Variants in PLCH1 observed in about 807,000 individuals in gnomAD.
PLCH1 encodes the protein 1-phosphatidylinositol 4,5-bisphosphate phosphodiesterase eta-1.
In PLCH1, 60 loss-of-function variants were observed where a neutral mutation model predicts 126.7. The ratio of observed to expected loss-of-function variants is 0.47; its 90% CI spans 0.38 to 0.59. The LOEUF is 0.59. Ranked by LOEUF, PLCH1 falls within the 20% of genes least tolerant of loss-of-function variation. PLCH1 has a pLI of 0.00. For synonymous variants in PLCH1, 719 were observed against 734.9 expected (o/e 0.98, Z 0.35); for missense variants, 1,723 against 2,040.0 (o/e 0.84, Z 2.99).
At chr3:155,706,383 A>T (rs1036121252) in intron 1 of PLCH1, among the ~76,000 whole-genome samples, 1 of 151,862 alleles carries the variant, frequency 6.6e-6, no homozygotes, top group African/African-American at 2.4e-5. Context: ...GCACTTTGGG[A>T]GGCCGAGGTG....
At chr3:155,522,858 T>C (rs962520794) in intron 11 of PLCH1, among the ~76,000 whole-genome samples, 3 of 151,698 alleles carry the variant, frequency 2.0e-5, no homozygotes, top group South Asian at 2.1e-4. Flanking sequence ...ACATGAGTTA[T>C]AGAGTTACAG....
At chr3:155,514,070 C>CA (rs768638904) in intron 12 of PLCH1, among the ~76,000 whole-genome samples, 72 of 152,064 alleles carry the variant, frequency 4.7e-4, no homozygotes, top group Non-Finnish European at 7.2e-4. Context: ...ATAGGTAGAG[C>CA]AAAAAAATAG....
In PLCH1 at chr3:155,564,985, G is replaced by A. The variant is rs1376112715; in HGVS notation, c.999C>T (p.Asp333=). 1 of 1,613,750 alleles carries A rather than the reference G, an allele frequency of 6.2e-7. No homozygotes were observed. The highest frequency in any genetic ancestry group is 1.7e-5 in the Admixed American group (1 of 60,008). The part of the protein sequence containing the change: ...ASSHNTYLTG[D]QLLSQSKVDM... ...CCACTTTGGACTGAGAAAGGAGCTGGTCTCCAGTCAGGTATGTATTGTGAG... is the reference window on the plus strand; with the variant it reads ...CCACTTTGGACTGAGAAAGGAGCTGATCTCCAGTCAGGTATGTATTGTGAG... The change falls in exon 8 of 23, where the codon GAC becomes GAT. Residue 333 remains aspartate (D), a synonymous_variant. Transcript: ENST00000460012.
intron 6 of PLCH1, among the ~76,000 whole-genome samples, chr3:155,576,409 TAGTG>T (rs549959597): frequency 3.9e-5 from 6 of 152,152 alleles, no homozygotes; most frequent in Non-Finnish European, 7.4e-5. Context: ...TTATAAAAGA[TAGTG>T]AGAATTCCCT....
At chr3:155,591,845 C>T (rs1732218568) in intron 4 of PLCH1, among the ~76,000 whole-genome samples, 1 of 152,086 alleles carries the variant, frequency 6.6e-6, no homozygotes, top group Admixed American at 6.5e-5. Flanking sequence ...GCCGGCACTA[C>T]AGGCATGTGT....
intron 2 of PLCH1, among the ~76,000 whole-genome samples, chr3:155,598,526 A>C (rs575033042): frequency 1.3e-5 from 2 of 152,220 alleles, no homozygotes; most frequent in African/African-American, 2.4e-5. Flanking sequence ...CTATTTCATA[A>C]GGTGAAGCAA....
intron 21 of PLCH1, among the ~76,000 whole-genome samples, chr3:155,451,612 CG>C: frequency 6.6e-6 from 1 of 152,116 alleles, no homozygotes; most frequent in Non-Finnish European, 1.5e-5. Flanking sequence ...GCAATGTGTG[CG>C]GGCCTCTTTC....
chr3:155,666,610 G>T (rs1358359189), intron 2 of PLCH1, among the ~76,000 whole-genome samples: 1 of 152,190 alleles, frequency 6.6e-6, no homozygotes, highest in East Asian at 1.9e-4. Context: ...AAGGATGGTG[G>T]GTGAATTAGC....
At chr3:155,592,753 T>A (rs1475808658) in intron 4 of PLCH1, among the ~76,000 whole-genome samples, 1 of 152,226 alleles carries the variant, frequency 6.6e-6, no homozygotes, top group East Asian at 1.9e-4. Context: ...TAAGGCACTG[T>A]TAGTACGGTT....
intron 10 of PLCH1, among the ~76,000 whole-genome samples, chr3:155,543,763 C>G (rs367658067): frequency 6.6e-6 from 1 of 150,652 alleles, no homozygotes; most frequent in African/African-American, 2.4e-5. Context: ...AATTTTCAAC[C>G]CAGAATTTCA....
At chr3:155,630,428 T>C (rs899238245) in intron 2 of PLCH1, among the ~76,000 whole-genome samples, 8 of 152,204 alleles carry the variant, frequency 5.3e-5, no homozygotes, top group Admixed American at 1.3e-4. Context: ...TCAATCAGAA[T>C]ATAGTGGAGT....
At chr3:155,688,398 T>C (rs1272023667) in intron 2 of PLCH1, among the ~76,000 whole-genome samples, 1 of 152,042 alleles carries the variant, frequency 6.6e-6, no homozygotes. Flanking sequence ...GCCAGTTGAG[T>C]TGGAATGACA....
chr3:155,578,151 A>G (rs1730217294), intron 6 of PLCH1, among the ~76,000 whole-genome samples: 1 of 152,104 alleles, frequency 6.6e-6, no homozygotes, highest in African/African-American at 2.4e-5. Flanking sequence ...TATATAACAG[A>G]CTCCACAGAG....
At chr3:155,504,978 G>A (rs923483433) in intron 12 of PLCH1, among the ~76,000 whole-genome samples, 7 of 152,182 alleles carry the variant, frequency 4.6e-5, no homozygotes, top group African/African-American at 1.2e-4. Context: ...TCTTTTAAAT[G>A]TTCTGAGTGG....
At chr3:155,526,811 C>A (rs1722013601) in intron 10 of PLCH1, among the ~76,000 whole-genome samples, 1 of 152,156 alleles carries the variant, frequency 6.6e-6, no homozygotes, top group African/African-American at 2.4e-5. Context: ...TTTAAGCTGT[C>A]AAATGTTGGG....
chr3:155,739,278 A>G (rs1749444507), intron 1 of PLCH1, among the ~76,000 whole-genome samples: 1 of 152,200 alleles, frequency 6.6e-6, no homozygotes, highest in Non-Finnish European at 1.5e-5. Flanking sequence ...CTCAAGAAAA[A>G]TAATCGGGCA....
chr3:155,624,884 A>G (rs1737030245), intron 2 of PLCH1, among the ~76,000 whole-genome samples: 1 of 152,174 alleles, frequency 6.6e-6, no homozygotes, highest in African/African-American at 2.4e-5. Context: ...CAGAATTGGA[A>G]AAAAACTACC....
At chr3:155,529,762 T>A (rs1217269154) in intron 10 of PLCH1, among the ~76,000 whole-genome samples, 4 of 150,828 alleles carry the variant, frequency 2.7e-5, no homozygotes, top group Admixed American at 2.0e-4. Flanking sequence ...TGCTTCTTTT[T>A]TGTTTTGTTT....
At chr3:155,620,125 T>A (rs1004736941) in intron 2 of PLCH1, among the ~76,000 whole-genome samples, 1 of 151,926 alleles carries the variant, frequency 6.6e-6, no homozygotes, top group Non-Finnish European at 1.5e-5. Flanking sequence ...AGTAGAAAAA[T>A]CTAAATATGG....
Sources: gnomAD v4.1 joint callset for allele counts (sites outside exome capture counted in the v4.1 genomes callset) on GRCh38, gnomAD v4.1.1 for gene constraint, MANE v1.5 for transcripts, NCBI Gene and HGNC (gene_info 2026-07-23, HGNC 2026-07-21) for gene names.